Variants in CADM2 observed in about 807,000 individuals in gnomAD.
CADM2 encodes cell adhesion molecule 2.
A neutral mutation model predicts 49.8 loss-of-function variants in CADM2; 12 were observed. The ratio of observed to expected loss-of-function variants is 0.24; its 90% CI spans 0.15 to 0.39. The LOEUF is 0.39. Among genes scored for constraint, CADM2 ranks in the 10% least tolerant of loss-of-function variants. The pLI, the probability that CADM2 is intolerant of heterozygous loss-of-function variation, is 1.00. For synonymous variants in CADM2, 214 were observed against 175.4 expected (o/e 1.22, Z -1.74); for missense variants, 378 against 492.3 (o/e 0.77, Z 2.20).
chr3:85,154,159 C>A (rs2107652613), intron 1 of CADM2, among the ~76,000 whole-genome samples: 1 of 152,232 alleles, frequency 6.6e-6, no homozygotes, highest in Admixed American at 6.5e-5. Flanking sequence ...GGAGGACATT[C>A]AAACCAAAGG....
chr3:85,294,308 G>T (rs985932888), intron 1 of CADM2, among the ~76,000 whole-genome samples: 1 of 152,086 alleles, frequency 6.6e-6, no homozygotes, highest in South Asian at 2.1e-4. Context: ...ACAAATGGAC[G>T]AACATTCTAT....
chr3:85,192,824 A>AT, intron 1 of CADM2, among the ~76,000 whole-genome samples: 1 of 152,084 alleles, frequency 6.6e-6, no homozygotes, highest in East Asian at 1.9e-4. Context: ...GAGAAATAAG[A>AT]TGGGTATATT....
chr3:85,806,185 A>G (rs547909044), intron 3 of CADM2, among the ~76,000 whole-genome samples: 2 of 140,360 alleles, frequency 1.4e-5, no homozygotes, highest in Non-Finnish European at 3.1e-5. Flanking sequence ...GGAGGGAGGG[A>G]GGGAGGAAGG....
intron 1 of CADM2, among the ~76,000 whole-genome samples, chr3:85,493,411 C>A (rs1414953742): frequency 6.7e-6 from 1 of 149,284 alleles, no homozygotes; most frequent in Non-Finnish European, 1.5e-5. Context: ...AAATAAATAT[C>A]AACTTTCATT....
At chr3:85,089,122 G>A (rs756080452) in intron 1 of CADM2, among the ~76,000 whole-genome samples, 45 of 150,488 alleles carry the variant, frequency 3.0e-4, no homozygotes, top group Non-Finnish European at 2.4e-4. Context: ...AAATTTATTC[G>A]GCAGTATTTA....
At chr3:85,961,278 G>C (rs1724781197) in intron 7 of CADM2, among the ~76,000 whole-genome samples, 191 bp from the exon 8 acceptor site, 1 of 151,638 alleles carries the variant, frequency 6.6e-6, no homozygotes, top group Non-Finnish European at 1.5e-5. Context: ...AAATAGAATA[G>C]AAGCAGATTA....
chr3:85,351,864 G>A (rs58690958), intron 1 of CADM2, among the ~76,000 whole-genome samples: 6,021 of 152,002 alleles, frequency 0.04, 411 homozygotes, highest in African/African-American at 0.14. Flanking sequence ...TCAACTTGTG[G>A]GTCATTGACT....
chr3:85,375,125 C>T (rs1190951318), intron 1 of CADM2, among the ~76,000 whole-genome samples: 2 of 152,112 alleles, frequency 1.3e-5, no homozygotes, highest in Non-Finnish European at 2.9e-5. Context: ...CACTACATAA[C>T]TATGTTTTAT....
At chr3:85,735,369 T>C (rs1240106895) in intron 2 of CADM2, among the ~76,000 whole-genome samples, 1 of 152,086 alleles carries the variant, frequency 6.6e-6, no homozygotes, top group African/African-American at 2.4e-5. Flanking sequence ...GCCTAACTTA[T>C]TTGAGCAATA....
chr3:85,454,111 T>G (rs1259588384), intron 1 of CADM2, among the ~76,000 whole-genome samples: 1 of 152,018 alleles, frequency 6.6e-6, no homozygotes, highest in African/African-American at 2.4e-5. Context: ...TCCAAGCATT[T>G]TGGGAGGCCG....
At chr3:85,591,666 A>T (rs1266129221) in intron 1 of CADM2, among the ~76,000 whole-genome samples, 1 of 151,994 alleles carries the variant, frequency 6.6e-6, no homozygotes, top group African/African-American at 2.4e-5. Flanking sequence ...AGGCAGTGGC[A>T]AGCTAACTTT....
chr3:85,573,734 G>A (rs1022055058), intron 1 of CADM2, among the ~76,000 whole-genome samples: 1 of 152,144 alleles, frequency 6.6e-6, no homozygotes, highest in Admixed American at 6.5e-5. Flanking sequence ...GACATTCACA[G>A]TGGCTTGTTG....
At chr3:85,690,977 A>G (rs915559283) in intron 1 of CADM2, among the ~76,000 whole-genome samples, 1 of 152,166 alleles carries the variant, frequency 6.6e-6, no homozygotes, top group African/African-American at 2.4e-5. Context: ...AATATTGTTA[A>G]CCATAGTCAC....
chr3:85,275,110 A>C (rs1014052199), intron 1 of CADM2, among the ~76,000 whole-genome samples: 2 of 151,642 alleles, frequency 1.3e-5, no homozygotes, highest in South Asian at 4.1e-4. Flanking sequence ...ATGTTCTATC[A>C]AAAATCTTTA....
At chr3:85,595,668 G>C (rs1363091114) in intron 1 of CADM2, among the ~76,000 whole-genome samples, 1 of 151,878 alleles carries the variant, frequency 6.6e-6, no homozygotes, top group Admixed American at 6.6e-5. Context: ...CTTACAATGA[G>C]AATAAAAGAT....
chr3:85,381,891 G>T (rs1475819874), intron 1 of CADM2, among the ~76,000 whole-genome samples: 1 of 151,970 alleles, frequency 6.6e-6, no homozygotes, highest in Non-Finnish European at 1.5e-5. Context: ...TGACATGCCA[G>T]TATGTCAGAA....
intron 1 of CADM2, among the ~76,000 whole-genome samples, chr3:85,487,126 T>C (rs1208837042): frequency 6.6e-6 from 1 of 152,180 alleles, no homozygotes; most frequent in East Asian, 1.9e-4. Context: ...AGGAACGAGG[T>C]TGGTAGCCAA....
intron 1 of CADM2, among the ~76,000 whole-genome samples, chr3:85,543,464 A>C (rs918495271): frequency 1.7e-5 from 1 of 60,590 alleles, no homozygotes; most frequent in African/African-American, 3.5e-5. Flanking sequence ...GTGTATTTTT[A>C]GTAGAAACGG....
At chr3:85,880,624 T>A (rs1387236931) in intron 3 of CADM2, among the ~76,000 whole-genome samples, 3 of 152,208 alleles carry the variant, frequency 2.0e-5, no homozygotes, top group Non-Finnish European at 4.4e-5. Context: ...CCACTTCCTC[T>A]GGCCTCCATG....
Sources: allele counts gnomAD v4.1 joint callset (sites outside exome capture counted in the v4.1 genomes callset), GRCh38; gene constraint gnomAD v4.1.1; transcripts MANE v1.5; gene names NCBI Gene and HGNC (gene_info 2026-07-23, HGNC 2026-07-21).